Variants in WNT2 observed in about 807,000 individuals in gnomAD.
WNT2 encodes protein Wnt-2.
Under a neutral mutation model 36.9 loss-of-function variants are expected in WNT2, and 12 were observed. That is an observed-to-expected ratio of 0.33 (90% CI 0.21 to 0.53). The LOEUF is 0.53. WNT2 is among the 20% of genes least tolerant of loss of function. The pLI is 0.95. For missense variants in WNT2, 379 were observed against 473.1 expected, an observed-to-expected ratio of 0.80 and a Z score of 1.84; for synonymous variants, 163 against 174.6, an observed-to-expected ratio of 0.93 and a Z score of 0.52.
At chr7:117,301,877 G>C (rs1479294217) in intron 3 of WNT2, among the ~76,000 whole-genome samples, 1 of 141,990 alleles carries the variant, frequency 7.0e-6, no homozygotes, top group African/African-American at 2.7e-5. Context: ...GTGTGATCTC[G>C]GCTCACTGCC....
At chr7:117,303,304 G>A (rs1241940668) in intron 3 of WNT2, among the ~76,000 whole-genome samples, 3 of 152,282 alleles carry the variant, frequency 2.0e-5, no homozygotes, top group East Asian at 3.9e-4. Flanking sequence ...TTCTAAGAAC[G>A]GGGAAATCGT....
intron 2 of WNT2, among the ~76,000 whole-genome samples, chr7:117,317,832 A>T (rs570012349): frequency 6.6e-6 from 1 of 152,332 alleles, no homozygotes; most frequent in African/African-American, 2.4e-5. Flanking sequence ...AAACTCTAGA[A>T]GCTAGGGTTT....
At chr7:117,295,772 G>A (rs891609669) in intron 4 of WNT2, among the ~76,000 whole-genome samples, 9 of 152,188 alleles carry the variant, frequency 5.9e-5, no homozygotes, top group African/African-American at 1.2e-4. Context: ...CTCTCCTACC[G>A]GTGAGATCGT....
chr7:117,317,064 C>T (rs545352024), intron 2 of WNT2, among the ~76,000 whole-genome samples: 3 of 152,166 alleles, frequency 2.0e-5, no homozygotes, highest in South Asian at 4.1e-4. Context: ...ATTTAGAAGC[C>T]GGCGCCCATG....
At position 117,315,346 on chromosome 7, in the gene WNT2, T is replaced by A. The variant is rs1450576834; in HGVS notation, c.313A>T (p.Ser105Cys). 2 of 1,609,464 alleles carry A rather than the reference T, an allele frequency of 1.2e-6. No individual in the cohort carries two copies. Among genetic ancestry groups the A allele is most frequent in the Admixed American group, 3.4e-5 (2 of 59,112 alleles). The stretch of plus-strand genomic sequence containing the variant: ...GCATAAACAAAGGCAGATTCCCGAC[T>A]ACCTGAAACAAAAATGCTTTTCTTA... ...SLFGRVLLRS[S>C]RESAFVYAIS... Residue 105 changes from serine (S) to cysteine (C), a missense_variant and splice_region_variant, in exon 3 of 5, where the codon AGT becomes TGT. By Grantham distance (112) the Ser-to-Cys change is moderately radical. Transcript: ENST00000265441.
intron 4 of WNT2, among the ~76,000 whole-genome samples, chr7:117,288,255 A>C (rs144358934): frequency 4.6e-5 from 7 of 152,356 alleles, no homozygotes; most frequent in African/African-American, 1.4e-4. Flanking sequence ...ATTAAACTTA[A>C]TAATTAATTC....
rs1375908188 is a variant in WNT2 at position 117,298,864 on chromosome 7, G to A, written c.589-988C>T. ...TTCCCATTTTATAGATGAGGAACCA[G>A]GGATGGGGAAGGCAGGTGACTTGCC... On this transcript the variant is annotated intron_variant, in intron 3 of 4. Transcript: ENST00000265441. Among the ~76,000 whole-genome samples, 7 of 152,334 alleles carry A rather than the reference G, an allele frequency of 4.6e-5. No homozygotes were observed. In the East Asian group the frequency reaches 9.7e-4, roughly 21 times the overall value.
rs774702044 is a variant in WNT2, at chr7:117,320,584, C to T, written c.293G>A (p.Gly98Asp). 6.2e-7 allele frequency: 1 copy of T among 1,613,570 alleles called. No individual in the cohort carries two copies. Among genetic ancestry groups the T allele is most frequent in the Non-Finnish European group, 8.5e-7 (1 of 1,179,840 alleles). Residue 98 changes from glycine (G) to aspartate (D), a missense_variant, in exon 2 of 5, where the codon GGC (glycine) becomes GAC (aspartate). Gly to Asp is a moderately conservative substitution (Grantham distance 94). Coordinates refer to ENST00000265441, the MANE Select transcript of WNT2 (RefSeq NM_003391.3). ...NTLDRDHSLF[G>D]RVLLRSSRES... ...AGACTTACTTCGGAGTAGGACCCTG[C>T]CAAAAAGGCTGTGATCCCTGTCCAG...
At chr7:117,311,712 T>C (rs1795125385) in intron 3 of WNT2, among the ~76,000 whole-genome samples, 1 of 152,222 alleles carries the variant, frequency 6.6e-6, no homozygotes, top group East Asian at 1.9e-4. Context: ...CCTAGCTCTG[T>C]TACCTGAGTT....
chr7:117,320,343 G>C lies in WNT2; in HGVS notation c.310+224C>G, dbSNP rs528757407. 1.0e-4 allele frequency: 58 copies of C among 556,574 alleles called. No homozygotes were observed. The East Asian group carries it at 1.3e-3, about 13-fold the overall frequency. The allele number at this position is 556,574 out of a possible 1,614,324, so 34.5% of individuals were successfully genotyped here. ...CAGAGCAAAGAGTGAAAAGACAACA[G>C]CCTGGGGTTCTACTTCTTCCTTTTG... is the stretch of plus-strand genomic sequence containing the variant. On this transcript the variant is annotated intron_variant, in intron 2 of 4. Transcript: ENST00000265441.
In WNT2 at chr7:117,315,153, C is replaced by G. The variant is rs200665306; in HGVS notation, c.506G>C (p.Arg169Pro). The stretch of plus-strand genomic sequence containing the variant: ...CCTTTCCTTTGCATCCACAAATGCG[C>G]GGGCAAATTTGATCCCATAGTCAAT... ...DNIDYGIKFA[R>P]AFVDAKERKG... Residue 169 changes from arginine to proline, a missense_variant, in exon 3 of 5, where the codon CGC becomes CCC. By Grantham distance (103) the Arg-to-Pro change is moderately radical. Coordinates refer to ENST00000265441, the MANE Select transcript of WNT2 (RefSeq NM_003391.3). The G allele has an allele frequency of 1.2e-6, 2 of 1,614,174 alleles. No individual in the cohort carries two copies. Among genetic ancestry groups the G allele is most frequent in the South Asian group, 2.2e-5 (2 of 91,076 alleles).
intron 3 of WNT2, chr7:117,301,068 A>T (rs1794896574): frequency 6.6e-6 from 1 of 152,054 alleles, no homozygotes; most frequent in African/African-American, 2.4e-5. Flanking sequence ...TGCCTTTGGG[A>T]TCTGTTACTT....
In WNT2 at chr7:117,296,367, CAG is replaced by C. The variant is rs764737982; in HGVS notation, c.853+1243_853+1244del. On this transcript the variant is annotated intron_variant, in intron 4 of 4. Coordinates refer to ENST00000265441, the MANE Select transcript of WNT2 (RefSeq NM_003391.3). ...AAACCATGAAGGCAATTCAACCACT[CAG>C]GGGCAAAAAAAGGCTTTGGCTTCCT... Among the ~76,000 whole-genome samples, 7 of 152,086 alleles carry C rather than the reference CAG, an allele frequency of 4.6e-5. No homozygotes were observed. The South Asian group carries it at 1.0e-3, about 23-fold the overall frequency.
intron 3 of WNT2, among the ~76,000 whole-genome samples, chr7:117,313,893 C>T (rs538432446): frequency 1.2e-4 from 19 of 152,286 alleles, no homozygotes; most frequent in Non-Finnish European, 2.4e-4. Context: ...TATTTGTAAA[C>T]AGTTCAGGTC....
intron 3 of WNT2, among the ~76,000 whole-genome samples, chr7:117,307,417 C>A (rs924902013): frequency 1.3e-5 from 2 of 152,210 alleles, no homozygotes; most frequent in South Asian, 4.1e-4. Context: ...AGTGAGATAA[C>A]CCAGGGAGGC....
intron 4 of WNT2, among the ~76,000 whole-genome samples, chr7:117,280,024 G>A (rs1425120735): frequency 1.3e-5 from 2 of 152,116 alleles, no homozygotes; most frequent in African/African-American, 2.4e-5. Context: ...GACCAGGGAA[G>A]CAGCAAGGTT....
intron 3 of WNT2, 22 bp from the exon 4 acceptor site, chr7:117,297,898 A>G: frequency 1.3e-6 from 2 of 1,596,104 alleles, no homozygotes; most frequent in Non-Finnish European, 1.7e-6. Context: ...GACAGGGGCA[A>G]GTTCAGTGAG....
rs1183490407 is a variant in WNT2, at chr7:117,315,239, C to G, written c.420G>C (p.Lys140Asn). ...TGCTGTCCTTGGCGCTTCCCATCTT[C>G]TTTGGATCACAGGAACAGGATTTTA... Reference protein sequence around the residue: ...GEVKSCSCDPKKMGSAKDSKG... With the variant: ...GEVKSCSCDPNKMGSAKDSKG... Residue 140 changes from lysine (K) to asparagine (N), a missense_variant, in exon 3 of 5, where the codon AAG becomes AAC. Coordinates refer to ENST00000265441, the MANE Select transcript of WNT2 (RefSeq NM_003391.3). 1 of 1,614,068 alleles carries G rather than the reference C, an allele frequency of 6.2e-7. No homozygotes were observed. Among genetic ancestry groups the G allele is most frequent in the African/African-American group, 1.3e-5 (1 of 74,934 alleles).
At chr7:117,280,138 AG>A (rs1196189654) in intron 4 of WNT2, among the ~76,000 whole-genome samples, 1 of 152,076 alleles carries the variant, frequency 6.6e-6, no homozygotes, top group African/African-American at 2.4e-5. Context: ...TCATGAGGAC[AG>A]GAAGGATGGC....
Sources: gnomAD v4.1 joint callset for allele counts (sites outside exome capture counted in the v4.1 genomes callset) on GRCh38, gnomAD v4.1.1 for gene constraint, MANE v1.5 for transcripts, NCBI Gene and HGNC (gene_info 2026-07-23, HGNC 2026-07-21) for gene names.